Variants in CTNNA3 observed in about 807,000 individuals in gnomAD.
CTNNA3 encodes the protein catenin alpha-3.
In CTNNA3, 76 loss-of-function variants were observed where a neutral mutation model predicts 95.7. The observed-to-expected ratio is 0.79, with a 90% CI of 0.66 to 0.96. The LOEUF (loss-of-function observed/expected upper bound fraction) is 0.96. CTNNA3 is among the 40% of genes least tolerant of loss of function. The pLI, the probability that CTNNA3 is intolerant of heterozygous loss-of-function variation, is 0.00. For synonymous variants in CTNNA3, 431 were observed against 374.4 expected (o/e 1.15, Z -1.74); for missense variants, 1,191 against 1,089.8 (o/e 1.09, Z -1.31).
chr10:66,031,630 G>A (rs1207053748), intron 15 of CTNNA3, among the ~76,000 whole-genome samples: 2 of 152,172 alleles, frequency 1.3e-5, no homozygotes, highest in Non-Finnish European at 2.9e-5. Context: ...CTACCTGGGT[G>A]ATGGGATCAG....
intron 10 of CTNNA3, among the ~76,000 whole-genome samples, chr10:66,619,766 C>T (rs1047221773): frequency 2.0e-5 from 3 of 151,360 alleles, no homozygotes; most frequent in Non-Finnish European, 4.4e-5. Flanking sequence ...GTCCATATGG[C>T]CATATGTGAA....
intron 7 of CTNNA3, among the ~76,000 whole-genome samples, chr10:66,907,685 T>G (rs1368440846): frequency 2.0e-5 from 3 of 152,158 alleles, no homozygotes; most frequent in Non-Finnish European, 4.4e-5. Flanking sequence ...CCATCAATTA[T>G]AGTTCAGAGA....
At chr10:66,612,764 A>G (rs779613347) in intron 10 of CTNNA3, among the ~76,000 whole-genome samples, 5 of 152,016 alleles carry the variant, frequency 3.3e-5, no homozygotes, top group Non-Finnish European at 7.4e-5. Context: ...ATGTTTTTCC[A>G]TCTCCGTTGC....
At chr10:67,274,250 G>A (rs964279278) in intron 5 of CTNNA3, among the ~76,000 whole-genome samples, 3 of 151,974 alleles carry the variant, frequency 2.0e-5, no homozygotes, top group African/African-American at 7.3e-5. Flanking sequence ...GAGTTACAAA[G>A]CAGATATTAA....
chr10:67,382,270 A>G (rs1283776642), intron 5 of CTNNA3, among the ~76,000 whole-genome samples: 1 of 152,184 alleles, frequency 6.6e-6, no homozygotes, highest in Non-Finnish European at 1.5e-5. Context: ...ACAGAACCCA[A>G]AGCACTAAGC....
chr10:66,694,691 G>A (rs376121007), intron 9 of CTNNA3, among the ~76,000 whole-genome samples: 7 of 152,154 alleles, frequency 4.6e-5, no homozygotes, highest in Non-Finnish European at 7.4e-5. Flanking sequence ...TTAGGTGCTC[G>A]CAGGCCATAA....
At chr10:66,239,158 CAATT>C (rs1352428382) in intron 13 of CTNNA3, among the ~76,000 whole-genome samples, 1 of 151,540 alleles carries the variant, frequency 6.6e-6, no homozygotes, top group Non-Finnish European at 1.5e-5. Context: ...ATCAATTAAT[CAATT>C]AATTACAATT....
Position 67,658,501 on chromosome 10 carries a change from A to T in CTNNA3, c.-5-10983T>A, listed in dbSNP as rs544319259. 6.6e-5 allele frequency among the ~76,000 whole-genome samples: 10 copies of T among 152,314 alleles called. No homozygotes were observed. In the South Asian group the frequency reaches 2.1e-3, roughly 32 times the overall value. ...TTCATAACAAAAGACTTTAAAACAAAGCTTCCCTCCGGTGGCCTCATTTTA... is the reference window on the plus strand; with the variant it reads ...TTCATAACAAAAGACTTTAAAACAATGCTTCCCTCCGGTGGCCTCATTTTA... On this transcript the variant is annotated intron_variant, in intron 1 of 17. Transcript: ENST00000433211.
intron 5 of CTNNA3, among the ~76,000 whole-genome samples, chr10:67,405,272 C>A (rs970981747): frequency 2.0e-5 from 3 of 152,036 alleles, no homozygotes; most frequent in Non-Finnish European, 4.4e-5. Context: ...GAACCAAGAC[C>A]CACTGGTAAG....
chr10:66,815,707 T>A (rs1589286884), intron 7 of CTNNA3, among the ~76,000 whole-genome samples: 2 of 152,212 alleles, frequency 1.3e-5, no homozygotes, highest in Admixed American at 1.3e-4. Flanking sequence ...AATAATATAT[T>A]TAAACTGCTA....
chr10:67,063,537 G>A (rs1855886924), intron 7 of CTNNA3, among the ~76,000 whole-genome samples: 1 of 152,192 alleles, frequency 6.6e-6, no homozygotes, highest in African/African-American at 2.4e-5. Context: ...GTTTAAATGG[G>A]GAGGTTATCA....
intron 6 of CTNNA3, among the ~76,000 whole-genome samples, chr10:67,184,995 C>T (rs1862765553): frequency 6.6e-6 from 1 of 152,100 alleles, no homozygotes; most frequent in South Asian, 2.1e-4. Context: ...TCTTCATGAA[C>T]TTTTTGAAGG....
At chr10:66,691,312 A>G (rs59787457) in intron 9 of CTNNA3, among the ~76,000 whole-genome samples, 27,118 of 152,164 alleles carry the variant, frequency 0.18, 3,068 homozygotes, top group East Asian at 0.34. Context: ...ATTATATCCC[A>G]CACATGGCTT....
At chr10:66,640,945 C>T (rs1190260357) in intron 9 of CTNNA3, among the ~76,000 whole-genome samples, 1 of 152,106 alleles carries the variant, frequency 6.6e-6, no homozygotes, top group Non-Finnish European at 1.5e-5. Context: ...TAGCAATCAC[C>T]AACCCCTCAA....
rs182023312 is a variant in CTNNA3, at chr10:66,211,213, C to T, written c.1884+69257G>A. Among the ~76,000 whole-genome samples, 11 of 152,198 alleles carry T rather than the reference C, an allele frequency of 7.2e-5. No homozygotes were observed. The East Asian group carries it at 2.1e-3, about 29-fold the overall frequency. ...TCACAAATGGACATTTTGGCCAAGG[C>T]GTGAACATATAATGGATGCAGAGTT... On this transcript the variant is annotated intron_variant, in intron 13 of 17. Coordinates refer to ENST00000433211, the MANE Select transcript of CTNNA3 (RefSeq NM_013266.4).
chr10:67,238,136 C>A (rs1488671910), intron 5 of CTNNA3, among the ~76,000 whole-genome samples: 3 of 152,124 alleles, frequency 2.0e-5, no homozygotes, highest in Non-Finnish European at 4.4e-5. Context: ...ATTTTGTAAT[C>A]TGCCAAATGT....
intron 10 of CTNNA3, among the ~76,000 whole-genome samples, chr10:66,550,940 C>T (rs1842196668): frequency 6.6e-6 from 1 of 151,644 alleles, no homozygotes; most frequent in Non-Finnish European, 1.5e-5. Flanking sequence ...ATCCTTTTGC[C>T]CCATTGAATT....
chr10:67,099,198 T>C (rs1858187737), intron 7 of CTNNA3: 1 of 151,844 alleles, frequency 6.6e-6, no homozygotes, highest in Non-Finnish European at 1.5e-5. Flanking sequence ...ATAAAGTTCA[T>C]TCAAATCAAA....
intron 12 of CTNNA3, among the ~76,000 whole-genome samples, chr10:66,342,832 G>A (rs1027488527): frequency 6.6e-6 from 1 of 151,966 alleles, no homozygotes; most frequent in Non-Finnish European, 1.5e-5. Context: ...ATTTTTGGAA[G>A]ATATTATCTT....
Sources: gnomAD v4.1 joint callset for allele counts (sites outside exome capture counted in the v4.1 genomes callset) on GRCh38, gnomAD v4.1.1 for gene constraint, MANE v1.5 for transcripts, NCBI Gene and HGNC (gene_info 2026-07-23, HGNC 2026-07-21) for gene names.